SPMIP11: variants seen among roughly 807,000 people sequenced by gnomAD.
SPMIP11 encodes long intergenic non-protein coding RNA 935.
the SPMIP11 span, among the ~76,000 whole-genome samples, chr12:48,728,172 A>G: frequency 6.6e-6 from 1 of 152,186 alleles, no homozygotes; most frequent in South Asian, 2.1e-4. Flanking sequence ...GTTGGTGACT[A>G]GGGTTAAGAC....
the SPMIP11 span, among the ~76,000 whole-genome samples, chr12:48,752,897 A>T: frequency 2.0e-5 from 3 of 151,846 alleles, no homozygotes; most frequent in African/African-American, 7.3e-5. Context: ...GTCTCGAACT[A>T]TCGACCTCAG....
the SPMIP11 span, among the ~76,000 whole-genome samples, chr12:48,751,280 T>A: frequency 6.6e-6 from 1 of 152,154 alleles, no homozygotes; most frequent in Non-Finnish European, 1.5e-5. Flanking sequence ...AAGAGGCAAA[T>A]GGATGTGGGG....
chr12:48,736,929 A>T, the SPMIP11 span, among the ~76,000 whole-genome samples: 7 of 151,884 alleles, frequency 4.6e-5, no homozygotes, highest in South Asian at 1.5e-3. Flanking sequence ...CTTTGTATGT[A>T]ACTAATTCAT....
At chr12:48,732,121 C>T in the SPMIP11 span, among the ~76,000 whole-genome samples, 1 of 150,814 alleles carries the variant, frequency 6.6e-6, no homozygotes, top group Non-Finnish European at 1.5e-5. Flanking sequence ...TGCACTCCAG[C>T]CTGGGCGATA....
At chr12:48,758,418 G>C in the SPMIP11 span, among the ~76,000 whole-genome samples, 1 of 152,154 alleles carries the variant, frequency 6.6e-6, no homozygotes, top group Non-Finnish European at 1.5e-5. Flanking sequence ...GCCACCTCCC[G>C]TCACTAGCGG....
At chr12:48,733,745 G>A in the SPMIP11 span, among the ~76,000 whole-genome samples, 1 of 144,090 alleles carries the variant, frequency 6.9e-6, no homozygotes, top group Non-Finnish European at 1.5e-5. Flanking sequence ...GGGGACTACT[G>A]TATGTGTAAA....
the SPMIP11 span, chr12:48,768,168 A>T: frequency 2.3e-5 from 6 of 264,004 alleles, no homozygotes; most frequent in Non-Finnish European, 4.5e-5. Flanking sequence ...TGTACAAAAT[A>T]TTGTACAAAA....
chr12:48,746,686 C>T, the SPMIP11 span, among the ~76,000 whole-genome samples: 3 of 151,738 alleles, frequency 2.0e-5, no homozygotes, highest in Non-Finnish European at 2.9e-5. Flanking sequence ...TTTGGAAGGC[C>T]AAGGTGGGTG....
the SPMIP11 span, among the ~76,000 whole-genome samples, chr12:48,744,148 C>A: frequency 6.8e-6 from 1 of 147,130 alleles, no homozygotes; most frequent in Non-Finnish European, 1.5e-5. Flanking sequence ...CTCAGGAGGC[C>A]GAGGCAGGAG....
At chr12:48,762,144 T>C in the SPMIP11 span, among the ~76,000 whole-genome samples, 5 of 140,600 alleles carry the variant, frequency 3.6e-5, no homozygotes, top group Non-Finnish European at 7.6e-5. Context: ...CCACAAGCTC[T>C]GCCTCCCGGG....
the SPMIP11 span, among the ~76,000 whole-genome samples, chr12:48,743,029 C>T: frequency 2.0e-5 from 3 of 152,070 alleles, no homozygotes; most frequent in Non-Finnish European, 4.4e-5. Flanking sequence ...GGGCCAATTG[C>T]TTGAGCCCAG....
At chr12:48,745,257 G>C in the SPMIP11 span, among the ~76,000 whole-genome samples, 1 of 151,832 alleles carries the variant, frequency 6.6e-6, no homozygotes, top group Admixed American at 6.6e-5. Context: ...CAGCCTGGGG[G>C]GCAGTGTGAG....
the SPMIP11 span, among the ~76,000 whole-genome samples, chr12:48,728,557 A>G: frequency 6.6e-6 from 1 of 151,992 alleles, no homozygotes; most frequent in Non-Finnish European, 1.5e-5. Context: ...AAATACAAAC[A>G]ATTAGCCGAG....
the SPMIP11 span, among the ~76,000 whole-genome samples, chr12:48,738,844 A>G: frequency 6.6e-6 from 1 of 152,140 alleles, no homozygotes; most frequent in Admixed American, 6.6e-5. Context: ...GGGAAGGGGA[A>G]CTAAGCTCCA....
At chr12:48,751,658 G>T in the SPMIP11 span, among the ~76,000 whole-genome samples, 1 of 152,096 alleles carries the variant, frequency 6.6e-6, no homozygotes, top group African/African-American at 2.4e-5. Flanking sequence ...AATTCAGGAG[G>T]CTAACTCACA....
the SPMIP11 span, among the ~76,000 whole-genome samples, chr12:48,748,271 A>G: frequency 0.014 from 2,204 of 152,230 alleles, 43 homozygotes; most frequent in African/African-American, 0.05. Flanking sequence ...TCCTAAAACT[A>G]TCATCTTCTC....
chr12:48,745,913 T>C, the SPMIP11 span, among the ~76,000 whole-genome samples: 1 of 152,166 alleles, frequency 6.6e-6, no homozygotes, highest in East Asian at 1.9e-4. Flanking sequence ...TATTCGTATG[T>C]ATAAATCATG....
chr12:48,755,850 C>G, the SPMIP11 span, among the ~76,000 whole-genome samples: 1 of 150,136 alleles, frequency 6.7e-6, no homozygotes, highest in African/African-American at 2.4e-5. Flanking sequence ...TAGGAATATG[C>G]TTGTTCTTTC....
At chr12:48,744,292 G>GC in the SPMIP11 span, among the ~76,000 whole-genome samples, 1 of 150,158 alleles carries the variant, frequency 6.7e-6, no homozygotes, top group Non-Finnish European at 1.5e-5. Flanking sequence ...TGTAATCCCA[G>GC]CTACTTGGGA....
Sources: gnomAD v4.1 joint callset for allele counts (sites outside exome capture counted in the v4.1 genomes callset) on GRCh38, gnomAD v4.1.1 for gene constraint, MANE v1.5 for transcripts, NCBI Gene and HGNC (gene_info 2026-07-23, HGNC 2026-07-21) for gene names.